Variants in COL5A1 observed in about 807,000 individuals in gnomAD.
COL5A1 encodes the protein collagen alpha-1(V) chain.
Under a neutral mutation model 263.7 loss-of-function variants are expected in COL5A1, and 16 were observed. The ratio of observed to expected loss-of-function variants is 0.06; its 90% CI spans 0.04 to 0.09. COL5A1 has a LOEUF of 0.09. Ranked by LOEUF, COL5A1 falls within the 10% of genes least tolerant of loss-of-function variation. The probability of loss-of-function intolerance (pLI) is 1.00; values close to 1 mark genes in which losing one functional copy is unlikely to be tolerated. For missense variants in COL5A1, 2,036 were observed against 2,540.5 expected (o/e 0.80, Z 4.27); for synonymous variants, 1,012 against 1,004.5 (o/e 1.01, Z -0.14).
chr9:134,811,492 G>A lies in COL5A1; in HGVS notation c.3583G>A (p.Gly1195Arg). Residue 1195 changes from glycine to arginine, a missense_variant and splice_region_variant, in exon 46 of 66, where the codon GGA becomes AGA. Gly to Arg is a moderately radical substitution (Grantham distance 125). This residue lies in a region of COL5A1 where 1,078 missense variants were observed against 1,521.4 expected (regional missense o/e 0.71). Coordinates refer to ENST00000371817, the MANE Select transcript of COL5A1 (RefSeq NM_000093.5). Reference sequence around the variant, plus strand: ...CCCATGGCCGGTTATTTCCCTGCAGGGAGCTGACGGCGAGCCGGGGCCTCG... The same window carrying A: ...CCCATGGCCGGTTATTTCCCTGCAGAGAGCTGACGGCGAGCCGGGGCCTCG... Reference protein sequence around the residue: ...QGPIGQPGPSGADGEPGPRGQ... With the variant: ...QGPIGQPGPSRADGEPGPRGQ... The A allele has an allele frequency of 6.2e-7, 1 of 1,613,496 alleles. No homozygotes were observed. Among genetic ancestry groups the A allele is most frequent in the Non-Finnish European group, 8.5e-7 (1 of 1,179,704 alleles).
rs1588551049 is a variant in COL5A1, at chr9:134,789,091, G to A, written c.2647-64G>A. On this transcript the variant is annotated intron_variant, in intron 31 of 65. Transcript: ENST00000371817. This position sits in a 1 kb window ranked among gnomAD's most constrained non-coding sequence, Gnocchi z 4.8. ...CTGGCATGCAGGTGGTCCCCCAGGCGGCCCATGCAGCATGACTCATTCCTG... is the reference window on the plus strand; with the variant it reads ...CTGGCATGCAGGTGGTCCCCCAGGCAGCCCATGCAGCATGACTCATTCCTG... 7 of 1,464,484 alleles carry A rather than the reference G, an allele frequency of 4.8e-6. No homozygotes were observed. Among genetic ancestry groups the A allele is most frequent in the Non-Finnish European group, 5.7e-6 (6 of 1,048,062 alleles). 90.7% of individuals were successfully genotyped at this position (1,464,484 alleles called of 1,614,324 possible). A position where few individuals can be genotyped will look rare whatever the true frequency, so the allele number is the denominator to read the frequency against.
At chr9:134,703,302 G>A (rs911174675) in intron 4 of COL5A1, among the ~76,000 whole-genome samples, 1 of 152,230 alleles carries the variant, frequency 6.6e-6, no homozygotes, top group Admixed American at 6.5e-5. Flanking sequence ...AAGGAACTGC[G>A]GGCACAGGAG....
At chr9:134,840,034 C>G (rs903154410) in intron 65 of COL5A1, among the ~76,000 whole-genome samples, 1 of 152,244 alleles carries the variant, frequency 6.6e-6, no homozygotes, top group South Asian at 2.1e-4. Context: ...TGCCCCATGG[C>G]GAGGTCCTTT....
chr9:134,782,790 G>A, intron 29 of COL5A1, 70 bp downstream of exon 29: 1 of 1,365,716 alleles, frequency 7.3e-7, no homozygotes, highest in Non-Finnish European at 1.0e-6. Context: ...GAGGGGGTGG[G>A]GATGTTTGCC....
At chr9:134,815,014 C>T in intron 50 of COL5A1, 110 bp downstream of exon 50, 1 of 766,916 alleles carries the variant, frequency 1.3e-6, no homozygotes, top group East Asian at 2.7e-5. Flanking sequence ...GCTTCAAGAC[C>T]ATTCCATGTG....
intron 4 of COL5A1, among the ~76,000 whole-genome samples, chr9:134,715,728 C>G (rs1187544870): frequency 6.6e-6 from 1 of 152,178 alleles, no homozygotes; most frequent in African/African-American, 2.4e-5. Context: ...AACCTTGAGT[C>G]GACACAGCAC....
At chr9:134,744,745 GCA>G (rs559580730) in intron 11 of COL5A1, among the ~76,000 whole-genome samples, 36 of 150,600 alleles carry the variant, frequency 2.4e-4, no homozygotes, top group South Asian at 1.9e-3. Flanking sequence ...TCACACACCT[GCA>G]CACACATTCA....
rs114706644 is a variant in COL5A1 at position 134,773,373 on chromosome 9, C to T, written c.2331+539C>T. 4.0e-3 allele frequency among the ~76,000 whole-genome samples: 604 copies of T among 152,278 alleles called. 3 individuals are homozygous for T. The highest frequency in any genetic ancestry group is 0.017 in the Middle Eastern group (5 of 292). Reference sequence around the variant, plus strand: ...CTCTCCACTGCGATTCATGACAAAGCTGCTGGGCTGCAAGCACCTCTGTGG... The same window carrying T: ...CTCTCCACTGCGATTCATGACAAAGTTGCTGGGCTGCAAGCACCTCTGTGG... On this transcript the variant is annotated intron_variant, in intron 26 of 65. Coordinates refer to ENST00000371817, the MANE Select transcript of COL5A1 (RefSeq NM_000093.5).
intron 20 of COL5A1, among the ~76,000 whole-genome samples, chr9:134,764,273 T>G (rs1588522471): frequency 3.7e-5 from 3 of 80,152 alleles, no homozygotes; most frequent in African/African-American, 4.9e-5. Context: ...GAGGGCATTG[T>G]GGGGGGTCAA....
chr9:134,794,331 A>AAAAAAAAGAAAC lies in COL5A1; in HGVS notation c.2701-745_2701-744insAGAAACAAAAAA, dbSNP rs1350417906. 6.6e-6 allele frequency among the ~76,000 whole-genome samples: 1 copy of AAAAAAAAGAAAC among 151,972 alleles called. No individual in the cohort carries two copies. Among genetic ancestry groups the AAAAAAAAGAAAC allele is most frequent in the African/African-American group, 2.4e-5 (1 of 41,390 alleles). On this transcript the variant is annotated intron_variant, in intron 32 of 65. Coordinates refer to ENST00000371817, the MANE Select transcript of COL5A1 (RefSeq NM_000093.5). The surrounding 1 kb of genome is among the most constrained non-coding windows in gnomAD (Gnocchi z 4.3). ...AGAGCAAGACTCTGTCTAAAAAAAA[A>AAAAAAAAGAAAC]AAAAAAGAAACAAAAAAGAAACCAG... is the stretch of plus-strand genomic sequence containing the variant.
At chr9:134,810,149 G>A in intron 43 of COL5A1, 106 bp from the exon 44 acceptor site, 1 of 1,264,442 alleles carries the variant, frequency 7.9e-7, no homozygotes, top group Non-Finnish European at 1.2e-6. Flanking sequence ...AGGGCCACCT[G>A]GAAAGGACAC....
At chr9:134,697,903 G>A (rs1833537668) in intron 2 of COL5A1, among the ~76,000 whole-genome samples, 1 of 152,148 alleles carries the variant, frequency 6.6e-6, no homozygotes, top group South Asian at 2.1e-4. Context: ...GACCAACATG[G>A]TGAAACCCCG....
intron 1 of COL5A1, among the ~76,000 whole-genome samples, chr9:134,687,904 C>G (rs1033348000): frequency 6.6e-6 from 1 of 152,220 alleles, no homozygotes; most frequent in Non-Finnish European, 1.5e-5. Flanking sequence ...GGGATCCACC[C>G]TCTGGTGGGG....
rs1395578435 is a variant in COL5A1, at chr9:134,742,594, A to G, written c.1494+3786A>G. On this transcript the variant is annotated intron_variant, in intron 11 of 65. Coordinates refer to ENST00000371817, the MANE Select transcript of COL5A1 (RefSeq NM_000093.5). This position sits in a 1 kb window ranked among gnomAD's most constrained non-coding sequence, Gnocchi z 4.6. ...CACTCTTACTTTGAGGTTCAGAGGA[A>G]ACCCAAGAGAGCTGGGAGTCCCCAA... 6.6e-6 allele frequency among the ~76,000 whole-genome samples: 1 copy of G among 152,172 alleles called. No homozygotes were observed. The highest frequency in any genetic ancestry group is 1.5e-5 in the Non-Finnish European group (1 of 68,022).
intron 24 of COL5A1, 130 bp downstream of exon 24, chr9:134,767,484 G>GCT: frequency 1.2e-6 from 1 of 823,012 alleles, no homozygotes; most frequent in Admixed American, 2.2e-5. Flanking sequence ...AGACGCCAAA[G>GCT]CTCAGAGTGC....
intron 14 of COL5A1, 83 bp from the exon 15 acceptor site, chr9:134,753,767 C>CCA: frequency 1.6e-6 from 1 of 621,114 alleles, no homozygotes; most frequent in Non-Finnish European, 3.1e-6. Context: ...CCTCCCCCTG[C>CCA]CCCTCCCCTG....
At chr9:134,734,690 G>A (rs1043231484) in intron 9 of COL5A1, among the ~76,000 whole-genome samples, 1 of 152,200 alleles carries the variant, frequency 6.6e-6, no homozygotes, top group East Asian at 1.9e-4. Context: ...CCACGGAACC[G>A]AGAGGAGACA....
chr9:134,729,310 G>T (rs1277776831), intron 6 of COL5A1, among the ~76,000 whole-genome samples: 1 of 152,186 alleles, frequency 6.6e-6, no homozygotes, highest in Non-Finnish European at 1.5e-5. Flanking sequence ...GAGCCGGAGG[G>T]TCACACCTAG....
intron 24 of COL5A1, 61 bp from the exon 25 acceptor site, chr9:134,768,349 A>T: frequency 6.9e-7 from 1 of 1,447,716 alleles, no homozygotes; most frequent in Non-Finnish European, 9.7e-7. Flanking sequence ...TTGGTGGCCG[A>T]CGGAGAGGTC....
Sources: allele counts gnomAD v4.1 joint callset (sites outside exome capture counted in the v4.1 genomes callset), GRCh38; gene constraint gnomAD v4.1.1; regional missense constraint gnomAD v4.1.1; non-coding constraint Gnocchi (gnomAD v3.1); transcripts MANE v1.5; gene names NCBI Gene and HGNC (gene_info 2026-07-23, HGNC 2026-07-21).